Variants in CSMD1 observed in about 807,000 individuals in gnomAD.
The protein encoded by CSMD1 is CUB and sushi domain-containing protein 1.
In CSMD1, 213 loss-of-function variants were observed where a neutral mutation model predicts 417.5. The ratio of observed to expected loss-of-function variants is 0.51; its 90% confidence interval spans 0.46 to 0.57. CSMD1 has a LOEUF of 0.57. Ranked by LOEUF, CSMD1 falls within the 20% of genes least tolerant of loss-of-function variation. CSMD1 has a pLI of 0.00. For synonymous variants in CSMD1, 2,862 were observed against 1,736.8 expected (o/e 1.65, Z -16.11); for missense variants, 6,923 against 4,529.7 (o/e 1.53, Z -15.17).
chr8:3,553,010 C>G (rs1798984454), intron 10 of CSMD1, among the ~76,000 whole-genome samples: 1 of 151,608 alleles, frequency 6.6e-6, no homozygotes, highest in Non-Finnish European at 1.5e-5. Context: ...TACTGTCTGT[C>G]AATTACTGGT....
At position 4,899,342 on chromosome 8, in the gene CSMD1, C is replaced by G. The variant is rs972247412; in HGVS notation, c.85+94990G>C. On this transcript the variant is annotated intron_variant, in intron 1 of 69. Coordinates refer to ENST00000635120, the MANE Select transcript of CSMD1 (RefSeq NM_033225.6). ...TTAAAATTGAAGTGGCATACACTAA[C>G]AAAAAGTGAGCCACTCAAAATAAAG... 1.1e-4 allele frequency among the ~76,000 whole-genome samples: 3 copies of G among 26,416 alleles called. No individual in the cohort carries two copies. The African/African-American group carries it at 1.2e-3, about 10-fold the overall frequency. 17.3% of individuals were successfully genotyped at this position (26,416 alleles called of 152,430 possible).
intron 3 of CSMD1, among the ~76,000 whole-genome samples, chr8:4,210,473 A>C (rs1032867143): frequency 6.6e-6 from 1 of 152,234 alleles, no homozygotes; most frequent in African/African-American, 2.4e-5. Flanking sequence ...TTTGAACTGC[A>C]AACAGACAAT....
intron 41 of CSMD1, among the ~76,000 whole-genome samples, chr8:3,120,943 T>A (rs946041739): frequency 6.6e-6 from 1 of 152,132 alleles, no homozygotes; most frequent in Non-Finnish European, 1.5e-5. Flanking sequence ...GTCATTAGAA[T>A]AGGGCCATAA....
intron 2 of CSMD1, among the ~76,000 whole-genome samples, chr8:4,469,096 G>C (rs1234114199): frequency 6.6e-6 from 1 of 152,186 alleles, no homozygotes. Context: ...AGACCTGTTT[G>C]AAGAGTTTGG....
At chr8:4,026,781 G>A (rs1051757750) in intron 4 of CSMD1, among the ~76,000 whole-genome samples, 1 of 152,218 alleles carries the variant, frequency 6.6e-6, no homozygotes, top group South Asian at 2.1e-4. Context: ...TTAGATTTAA[G>A]TTTGAAGTTG....
At chr8:3,054,339 C>T (rs183462050) in intron 49 of CSMD1, among the ~76,000 whole-genome samples, 4 of 152,244 alleles carry the variant, frequency 2.6e-5, no homozygotes, top group East Asian at 3.9e-4. Context: ...ACATGTGGGC[C>T]GGGCACAGTG....
rs193255348 is a variant in CSMD1 at position 4,487,425 on chromosome 8, T to A, written c.303-67360A>T. On this transcript the variant is annotated intron_variant, in intron 2 of 69. Coordinates refer to ENST00000635120, the MANE Select transcript of CSMD1 (RefSeq NM_033225.6). ...GTGAGAACATGCAGTGTTTGGTTTT[T>A]CGTTCTTGCGATACATTACTGAGAA... Among the ~76,000 whole-genome samples, 17 of 152,300 alleles carry A rather than the reference T, an allele frequency of 1.1e-4. No individual in the cohort carries two copies. In the East Asian group the frequency reaches 3.1e-3, roughly 28 times the overall value.
intron 3 of CSMD1, among the ~76,000 whole-genome samples, chr8:4,202,505 G>T (rs1207887106): frequency 6.6e-6 from 1 of 152,154 alleles, no homozygotes; most frequent in African/African-American, 2.4e-5. Context: ...TAACAAATTT[G>T]CACTTTTATA....
rs150200584 is a variant in CSMD1 at position 4,491,876 on chromosome 8, T to C, written c.303-71811A>G. 2.8e-4 allele frequency among the ~76,000 whole-genome samples: 42 copies of C among 152,310 alleles called. No homozygotes were observed. In the East Asian group the frequency reaches 5.4e-3, roughly 20 times the overall value. ...CAGCAACTGTCCTCTTTGGTCTTTA[T>C]GTAAATGAGTTGAAAAGTTATGTTC... On this transcript the variant is annotated intron_variant, in intron 2 of 69. Coordinates refer to ENST00000635120, the MANE Select transcript of CSMD1 (RefSeq NM_033225.6).
intron 5 of CSMD1, among the ~76,000 whole-genome samples, chr8:3,967,862 C>T (rs1007535551): frequency 3.9e-5 from 6 of 151,920 alleles, no homozygotes; most frequent in African/African-American, 1.5e-4. Flanking sequence ...ATTTCCCTTG[C>T]TCGCTTAAGA....
intron 5 of CSMD1, among the ~76,000 whole-genome samples, chr8:3,978,208 C>T (rs972722909): frequency 6.6e-6 from 1 of 152,186 alleles, no homozygotes; most frequent in Non-Finnish European, 1.5e-5. Context: ...AATGAGGTCA[C>T]TGCTGTGTGC....
chr8:3,661,365 G>A (rs1290094102), intron 7 of CSMD1, among the ~76,000 whole-genome samples: 1 of 152,006 alleles, frequency 6.6e-6, no homozygotes. Flanking sequence ...CCTCACTGCA[G>A]ATTTCTGTAT....
At chr8:4,672,659 A>C (rs1212277160) in intron 1 of CSMD1, among the ~76,000 whole-genome samples, 3 of 151,036 alleles carry the variant, frequency 2.0e-5, no homozygotes, top group African/African-American at 7.2e-5. Context: ...CAGGTGCTTG[A>C]AAAAGTTTTG....
intron 2 of CSMD1, among the ~76,000 whole-genome samples, chr8:4,567,065 T>G (rs1347843040): frequency 6.6e-6 from 1 of 152,140 alleles, no homozygotes; most frequent in African/African-American, 2.4e-5. Context: ...GGGGCTTCCA[T>G]AAATAGCTTA....
intron 41 of CSMD1, 34 bp downstream of exon 41, chr8:3,142,431 G>A: frequency 1.3e-6 from 2 of 1,527,494 alleles, no homozygotes; most frequent in Non-Finnish European, 1.8e-6. Context: ...AGTGTATTTA[G>A]ATTTGGGTTT....
At chr8:3,752,515 G>A (rs1289717667) in intron 6 of CSMD1, among the ~76,000 whole-genome samples, 1 of 151,604 alleles carries the variant, frequency 6.6e-6, no homozygotes, top group Non-Finnish European at 1.5e-5. Flanking sequence ...TTAGCCGGGT[G>A]TGGTGGTCTG....
intron 8 of CSMD1, among the ~76,000 whole-genome samples, chr8:3,604,717 G>C (rs1333555078): frequency 2.0e-5 from 3 of 152,126 alleles, no homozygotes; most frequent in African/African-American, 7.2e-5. Flanking sequence ...TCTGCATCAG[G>C]AGAGAAACAT....
chr8:4,245,882 A>G (rs1242424952), intron 3 of CSMD1, among the ~76,000 whole-genome samples: 3 of 152,198 alleles, frequency 2.0e-5, no homozygotes, highest in African/African-American at 7.2e-5. Context: ...CTCACAGGGT[A>G]TACTTTTCAT....
intron 49 of CSMD1, among the ~76,000 whole-genome samples, chr8:3,077,401 G>C (rs1042768242): frequency 6.6e-6 from 1 of 152,114 alleles, no homozygotes; most frequent in Non-Finnish European, 1.5e-5. Context: ...TCAAAGGTGG[G>C]AAAACAGGCA....
Sources: allele counts gnomAD v4.1 joint callset (sites outside exome capture counted in the v4.1 genomes callset), GRCh38; gene constraint gnomAD v4.1.1; transcripts MANE v1.5; gene names NCBI Gene and HGNC (gene_info 2026-07-23, HGNC 2026-07-21).